The following CHD9NB variants were observed in gnomAD, a reference collection of about 807,000 sequenced individuals.
CHD9NB encodes CHD9 neighbor, also known as CHD9 neighbor protein.
the CHD9NB span, among the ~76,000 whole-genome samples, chr16:53,046,074 A>G: frequency 6.6e-6 from 1 of 152,122 alleles, no homozygotes; most frequent in East Asian, 1.9e-4. Flanking sequence ...TTATGATGCT[A>G]TTTACCTCTC....
the CHD9NB span, among the ~76,000 whole-genome samples, chr16:53,052,060 TTAAAC>T: frequency 1.3e-5 from 2 of 151,410 alleles, no homozygotes; most frequent in African/African-American, 2.4e-5. Flanking sequence ...ACTGTGAAGA[TTAAAC>T]TAAATTGTCA....
chr16:53,050,484 AG>A, the CHD9NB span, among the ~76,000 whole-genome samples: 1 of 152,292 alleles, frequency 6.6e-6, no homozygotes, highest in South Asian at 2.1e-4. Context: ...CTCCAACCTG[AG>A]TGACAGAATG....
At chr16:53,047,622 G>A in the CHD9NB span, among the ~76,000 whole-genome samples, 2 of 152,238 alleles carry the variant, frequency 1.3e-5, no homozygotes, top group Admixed American at 6.5e-5. Flanking sequence ...CCATCCTTAC[G>A]ACGTCATTTA....
At chr16:53,039,297 G>A in the CHD9NB span, among the ~76,000 whole-genome samples, 99 of 152,266 alleles carry the variant, frequency 6.5e-4, no homozygotes, top group African/African-American at 2.1e-3. Context: ...TGATCAGGAC[G>A]ATGTCTCTCC....
At chr16:53,045,883 A>G in the CHD9NB span, among the ~76,000 whole-genome samples, 1 of 152,074 alleles carries the variant, frequency 6.6e-6, no homozygotes, top group African/African-American at 2.4e-5. Context: ...CTGGCTCCAG[A>G]GCCTGTGATC....
the CHD9NB span, among the ~76,000 whole-genome samples, chr16:53,046,410 G>A: frequency 6.6e-6 from 1 of 151,922 alleles, no homozygotes; most frequent in African/African-American, 2.4e-5. Context: ...GGGCATGGTG[G>A]CTTATGCCTG....
chr16:53,038,950 T>TG, the CHD9NB span, among the ~76,000 whole-genome samples: 1 of 152,198 alleles, frequency 6.6e-6, no homozygotes, highest in African/African-American at 2.4e-5. Context: ...TTTTGTCCTA[T>TG]GGGCACCTCA....
chr16:53,045,764 T>A, the CHD9NB span, among the ~76,000 whole-genome samples: 1 of 152,242 alleles, frequency 6.6e-6, no homozygotes, highest in Admixed American at 6.5e-5. Flanking sequence ...AAGGAAGTAT[T>A]ATTAATCCCA....
At chr16:53,041,408 A>G in the CHD9NB span, among the ~76,000 whole-genome samples, 1 of 152,230 alleles carries the variant, frequency 6.6e-6, no homozygotes, top group Non-Finnish European at 1.5e-5. Context: ...TTAACTTCCT[A>G]GTAAATTGCA....
chr16:53,046,835 G>A, the CHD9NB span, among the ~76,000 whole-genome samples: 6 of 152,292 alleles, frequency 3.9e-5, no homozygotes, highest in South Asian at 8.3e-4. Flanking sequence ...TCAAGACAGT[G>A]ACAACAGAAC....
the CHD9NB span, among the ~76,000 whole-genome samples, chr16:53,042,531 A>G: frequency 1.0e-5 from 1 of 98,642 alleles, no homozygotes; most frequent in Non-Finnish European, 2.0e-5. Context: ...CCCTTTCTTC[A>G]TCTTTCCTCC....
chr16:53,037,775 G>T, the CHD9NB span, among the ~76,000 whole-genome samples: 2 of 152,208 alleles, frequency 1.3e-5, no homozygotes, highest in African/African-American at 4.8e-5. Flanking sequence ...ATTCCCAAAT[G>T]AATTCCTCAA....
the CHD9NB span, among the ~76,000 whole-genome samples, chr16:53,040,340 C>G: frequency 6.6e-6 from 1 of 152,062 alleles, no homozygotes; most frequent in African/African-American, 2.4e-5. Context: ...TCCCAAAGTG[C>G]TGGGATTACA....
the CHD9NB span, chr16:53,044,215 G>C: frequency 7.5e-6 from 3 of 398,444 alleles, no homozygotes; most frequent in Non-Finnish European, 1.3e-5. Flanking sequence ...AGGAAGGTCT[G>C]TGCCTTCCTC....
chr16:53,043,741 A>G, the CHD9NB span: 1 of 309,278 alleles, frequency 3.2e-6, no homozygotes, highest in African/African-American at 2.1e-5. Context: ...AAGTTGCAGG[A>G]AAGTTCCACA....
At chr16:53,051,768 A>AATATATATATAT in the CHD9NB span, among the ~76,000 whole-genome samples, 384 of 104,358 alleles carry the variant, frequency 3.7e-3, 6 homozygotes, top group African/African-American at 5.2e-3. Context: ...TAAAAGTATA[A>AATATATATATAT]ATATATATAT....
At chr16:53,038,619 G>A in the CHD9NB span, among the ~76,000 whole-genome samples, 5 of 152,262 alleles carry the variant, frequency 3.3e-5, no homozygotes, top group Admixed American at 6.5e-5. Context: ...CCAAAGTGCT[G>A]GGATTACAGG....
At chr16:53,041,648 C>T in the CHD9NB span, among the ~76,000 whole-genome samples, 3 of 152,182 alleles carry the variant, frequency 2.0e-5, no homozygotes, top group South Asian at 4.1e-4. Context: ...ACCTCAAAGC[C>T]TCACCACCAG....
chr16:53,052,351 A>G, the CHD9NB span, among the ~76,000 whole-genome samples: 23 of 152,250 alleles, frequency 1.5e-4, no homozygotes, highest in Admixed American at 1.2e-3. Context: ...GCTGCAATGA[A>G]CAATGATCAC....
Sources: allele counts gnomAD v4.1 joint callset (sites outside exome capture counted in the v4.1 genomes callset), GRCh38; gene constraint gnomAD v4.1.1; transcripts MANE v1.5; gene names NCBI Gene and HGNC (gene_info 2026-07-23, HGNC 2026-07-21).